Variants in RBFOX1 observed in about 807,000 individuals in gnomAD.
The protein encoded by RBFOX1 is RNA binding fox-1 homolog 1, also known as RNA binding protein fox-1 homolog 1.
Under a neutral mutation model 57.7 loss-of-function variants are expected in RBFOX1, and 8 were observed. That is an observed-to-expected ratio of 0.14 (90% confidence interval 0.08 to 0.25). The LOEUF is 0.25. RBFOX1 is among the 10% of genes least tolerant of loss of function. RBFOX1 has a pLI of 1.00. For synonymous variants in RBFOX1, 326 were observed against 222.4 expected, an observed-to-expected ratio of 1.47 and a Z score of -4.15; for missense variants, 611 against 548.5, an observed-to-expected ratio of 1.11 and a Z score of -1.14.
intron 4 of RBFOX1, among the ~76,000 whole-genome samples, chr16:7,213,417 C>T (rs756540069): frequency 1.3e-5 from 2 of 152,128 alleles, no homozygotes; most frequent in Non-Finnish European, 2.9e-5. Flanking sequence ...GAGTTGAGAA[C>T]CATTGCCTGA....
chr16:5,488,018 A>T (rs2042691776), intron 2 of RBFOX1, among the ~76,000 whole-genome samples: 1 of 152,014 alleles, frequency 6.6e-6, no homozygotes, highest in Non-Finnish European at 1.5e-5. Flanking sequence ...GATGATGATG[A>T]TGATGGTTGT....
chr16:6,885,395 C>G (rs1041431270), intron 3 of RBFOX1, among the ~76,000 whole-genome samples: 2 of 152,166 alleles, frequency 1.3e-5, no homozygotes, highest in South Asian at 2.1e-4. Context: ...TGAGTCAAAA[C>G]CAAGAATTTA....
chr16:7,371,586 C>T (rs919799903), intron 4 of RBFOX1, among the ~76,000 whole-genome samples: 1 of 152,048 alleles, frequency 6.6e-6, no homozygotes, highest in Non-Finnish European at 1.5e-5. Context: ...CCTGTCTCTA[C>T]TAAAAATACA....
At chr16:7,147,596 C>A (rs1307481622) in intron 4 of RBFOX1, among the ~76,000 whole-genome samples, 1 of 152,126 alleles carries the variant, frequency 6.6e-6, no homozygotes, top group Non-Finnish European at 1.5e-5. Context: ...TGCATTAATT[C>A]ACTTAGATTA....
intron 1 of RBFOX1, among the ~76,000 whole-genome samples, chr16:6,127,717 A>G (rs1448013082): frequency 2.0e-5 from 3 of 152,256 alleles, no homozygotes; most frequent in Non-Finnish European, 2.9e-5. Flanking sequence ...AGGTCACACC[A>G]TTAAATAAAT....
chr16:6,870,264 C>T (rs1487748556), intron 3 of RBFOX1, among the ~76,000 whole-genome samples: 1 of 151,998 alleles, frequency 6.6e-6, no homozygotes, highest in East Asian at 1.9e-4. Context: ...GAGAGCATTC[C>T]CTTTGGTCGC....
intron 9 of RBFOX1, among the ~76,000 whole-genome samples, chr16:7,602,926 C>G (rs2095114560): frequency 6.6e-6 from 1 of 152,088 alleles, no homozygotes; most frequent in Non-Finnish European, 1.5e-5. Context: ...AAATGAATAG[C>G]AAGAGGAACT....
intron 4 of RBFOX1, among the ~76,000 whole-genome samples, chr16:7,239,504 A>G (rs2093947966): frequency 1.3e-5 from 2 of 152,172 alleles, no homozygotes; most frequent in African/African-American, 4.8e-5. Context: ...CTAAAAAATA[A>G]ATAAATAAAT....
At chr16:6,225,398 C>A (rs376604877) in intron 1 of RBFOX1, among the ~76,000 whole-genome samples, 5 of 152,162 alleles carry the variant, frequency 3.3e-5, no homozygotes, top group Non-Finnish European at 7.4e-5. Context: ...GTTATGAAGC[C>A]CCTTTCTCCA....
At position 7,034,841 on chromosome 16, in the gene RBFOX1, C is replaced by CT. The variant is rs1255430430; in HGVS notation, c.-15-17210dup. Among the ~76,000 whole-genome samples, 69 of 39,086 alleles carry CT rather than the reference C, an allele frequency of 1.8e-3. 3 individuals carry two copies. The highest frequency in any genetic ancestry group is 5.7e-3 in the East Asian group (5 of 876). The allele number at this position is 39,086 out of a possible 152,430, so 25.6% of individuals were successfully genotyped here. On this transcript the variant is annotated intron_variant, in intron 3 of 15. Transcript: ENST00000550418. Reference sequence around the variant, plus strand: ...ATATTGCATTACTTTTTTTTTTTTTCTTTTTTCTTTTTTTTTTTTTTTTTT... The same window carrying CT: ...ATATTGCATTACTTTTTTTTTTTTTCTTTTTTTCTTTTTTTTTTTTTTTTTT...
At chr16:7,214,448 C>G (rs1005820888) in intron 4 of RBFOX1, among the ~76,000 whole-genome samples, 1 of 151,982 alleles carries the variant, frequency 6.6e-6, no homozygotes, top group African/African-American at 2.4e-5. Flanking sequence ...TCTAAATCAC[C>G]GTGTCTTGCC....
At chr16:6,297,351 C>G (rs560803051) in intron 1 of RBFOX1, among the ~76,000 whole-genome samples, 2 of 152,190 alleles carry the variant, frequency 1.3e-5, no homozygotes, top group South Asian at 4.2e-4. Flanking sequence ...CTGGTTCACA[C>G]GCCTCTGACA....
At chr16:6,161,122 C>G (rs2096875546) in intron 1 of RBFOX1, among the ~76,000 whole-genome samples, 1 of 152,284 alleles carries the variant, frequency 6.6e-6, no homozygotes, top group South Asian at 2.1e-4. Context: ...GGCACAGTGA[C>G]TCATGCTTGT....
intron 3 of RBFOX1, among the ~76,000 whole-genome samples, chr16:7,046,898 G>A (rs1259558775): frequency 1.3e-5 from 2 of 151,900 alleles, no homozygotes; most frequent in Non-Finnish European, 2.9e-5. Flanking sequence ...GAGCCCCTGC[G>A]CCTGGCCTAT....
At chr16:6,409,570 T>C (rs1295916255) in intron 2 of RBFOX1, among the ~76,000 whole-genome samples, 1 of 152,168 alleles carries the variant, frequency 6.6e-6, no homozygotes, top group African/African-American at 2.4e-5. Context: ...TGAAAAGTTG[T>C]GGGATTTTTT....
At chr16:6,855,167 C>T (rs567272572) in intron 3 of RBFOX1, among the ~76,000 whole-genome samples, 1 of 151,960 alleles carries the variant, frequency 6.6e-6, no homozygotes, top group Non-Finnish European at 1.5e-5. Context: ...TATACGTGTT[C>T]TGGTGAGCAT....
chr16:6,582,801 G>A (rs2153976188), intron 2 of RBFOX1, among the ~76,000 whole-genome samples: 1 of 135,042 alleles, frequency 7.4e-6, no homozygotes, highest in Non-Finnish European at 1.5e-5. Context: ...CCCTTTCCTA[G>A]CTTCCCCTCC....
intron 1 of RBFOX1, chr16:5,467,112 T>C: frequency 7.8e-7 from 1 of 1,281,686 alleles, no homozygotes; most frequent in Non-Finnish European, 1.1e-6. Context: ...TAAAACATTC[T>C]TTTTTAAATC....
intron 3 of RBFOX1, among the ~76,000 whole-genome samples, chr16:7,044,036 C>A (rs1316655750): frequency 6.6e-6 from 1 of 152,192 alleles, no homozygotes; most frequent in Admixed American, 6.6e-5. Flanking sequence ...CAAATGTTCT[C>A]TGTATTGTAA....
Sources: allele counts gnomAD v4.1 joint callset (sites outside exome capture counted in the v4.1 genomes callset), GRCh38; gene constraint gnomAD v4.1.1; transcripts MANE v1.5; gene names NCBI Gene and HGNC (gene_info 2026-07-23, HGNC 2026-07-21).